Variants in SSBP4 observed in about 807,000 individuals in gnomAD.
SSBP4 encodes single-stranded DNA-binding protein 4.
Under a neutral mutation model 64.6 loss-of-function variants are expected in SSBP4, and 33 were observed. The observed-to-expected ratio is 0.51, with a 90% confidence interval of 0.39 to 0.68. The LOEUF (loss-of-function observed/expected upper bound fraction) is 0.68, where lower values mean the gene tolerates loss of function less well. SSBP4 is among the 30% of genes least tolerant of loss of function. The pLI, the probability that SSBP4 is intolerant of heterozygous loss-of-function variation, is 0.00. For synonymous variants in SSBP4, 243 were observed against 224.0 expected (o/e 1.08, Z -0.76); for missense variants, 583 against 566.8 (o/e 1.03, Z -0.29).
At chr19:18,429,077 G>A (rs1240826194) in intron 4 of SSBP4, among the ~76,000 whole-genome samples, 13 of 152,144 alleles carry the variant, frequency 8.5e-5, no homozygotes, top group Admixed American at 7.8e-4. Context: ...GTAGACCGCA[G>A]GGCCCAGGGC....
the SSBP4 span, among the ~76,000 whole-genome samples, chr19:18,408,193 G>A: frequency 6.6e-6 from 1 of 152,208 alleles, no homozygotes; most frequent in Non-Finnish European, 1.5e-5. Flanking sequence ...GCTGACCACG[G>A]GAGGCCACGT....
chr19:18,427,302 G>T lies in SSBP4; in HGVS notation c.60-49G>T. On this transcript the variant is annotated intron_variant, in intron 1 of 17. Coordinates refer to ENST00000270061, the MANE Select transcript of SSBP4 (RefSeq NM_032627.5). This position sits in a 1 kb window ranked among gnomAD's most constrained non-coding sequence, Gnocchi z 4.4. ...GAGAGATGGAGGGGCTTTGGGGTGG[G>T]CCCTTGCCTTGGAGAGTCTGAGCTC... 1 of 1,592,162 alleles carries T rather than the reference G, an allele frequency of 6.3e-7. No homozygotes were observed. Among genetic ancestry groups the T allele is most frequent in the Non-Finnish European group, 8.5e-7 (1 of 1,170,990 alleles).
chr19:18,422,458 G>A (rs1336709524), intron 1 of SSBP4, among the ~76,000 whole-genome samples: 3 of 152,308 alleles, frequency 2.0e-5, no homozygotes, highest in East Asian at 1.9e-4. Flanking sequence ...AGAGGGTCTC[G>A]TATAAGTGTT....
intron 8 of SSBP4, 56 bp downstream of exon 8, chr19:18,431,918 G>T: frequency 6.4e-7 from 1 of 1,567,718 alleles, no homozygotes; most frequent in East Asian, 2.3e-5. Flanking sequence ...CCAGCTCTCA[G>T]AGCCCAGACC....
At chr19:18,425,515 G>C (rs1158386847) in intron 1 of SSBP4, among the ~76,000 whole-genome samples, 1 of 152,176 alleles carries the variant, frequency 6.6e-6, no homozygotes, top group Non-Finnish European at 1.5e-5. Flanking sequence ...ACGCAGGCCT[G>C]TCAGCCACTA....
intron 6 of SSBP4, 57 bp downstream of exon 6, chr19:18,431,475 C>G: frequency 9.1e-7 from 1 of 1,093,670 alleles, no homozygotes; most frequent in Non-Finnish European, 1.3e-6. Flanking sequence ...CCAGCGCCGC[C>G]CCCTCCCACC....
intron 1 of SSBP4, among the ~76,000 whole-genome samples, chr19:18,424,583 G>C (rs974512546): frequency 6.6e-6 from 1 of 151,462 alleles, no homozygotes; most frequent in South Asian, 2.1e-4. Flanking sequence ...GGCGGCACAG[G>C]AGGGTTTGAA....
At chr19:18,433,320 C>T (rs1021954506) in intron 15 of SSBP4, 107 bp downstream of exon 15, 1 of 1,410,860 alleles carries the variant, frequency 7.1e-7, no homozygotes, top group Non-Finnish European at 9.5e-7. Context: ...CGTCTAGTGG[C>T]GTCCTGAGCC....
chr19:18,413,341 T>C, the SSBP4 span, among the ~76,000 whole-genome samples: 2 of 152,096 alleles, frequency 1.3e-5, no homozygotes, highest in East Asian at 3.9e-4. Flanking sequence ...CCTGAATAGC[T>C]GGGATTACAT....
intron 15 of SSBP4, 137 bp from the exon 16 acceptor site, chr19:18,433,448 T>G: frequency 6.9e-7 from 1 of 1,448,400 alleles, no homozygotes; most frequent in Non-Finnish European, 9.4e-7. Flanking sequence ...CTGGCCTCAG[T>G]CCCGGGGTTC....
rs906455378 is a variant in SSBP4, at chr19:18,426,556, G to A, written c.60-795G>A. On this transcript the variant is annotated intron_variant, in intron 1 of 17. Transcript: ENST00000270061. This position sits in a 1 kb window ranked among gnomAD's most constrained non-coding sequence, Gnocchi z 4.5. ...TGTGGCAGCTGGACTGGAGCGGGGT[G>A]GACAGTCCGGCCTCCCCCTGTGACC... Among the ~76,000 whole-genome samples the A allele has an allele frequency of 6.6e-6, 1 of 152,188 alleles. No homozygotes were observed. The highest frequency in any genetic ancestry group is 2.4e-5 in the African/African-American group (1 of 41,444).
chr19:18,421,899 T>C (rs745911012), intron 1 of SSBP4, among the ~76,000 whole-genome samples: 10 of 152,198 alleles, frequency 6.6e-5, no homozygotes, highest in Non-Finnish European at 1.5e-4. Flanking sequence ...GGCTCACGCC[T>C]ATAATCATCC....
chr19:18,417,251 A>C (rs1204789323), upstream of SSBP4, among the ~76,000 whole-genome samples: 1 of 152,182 alleles, frequency 6.6e-6, no homozygotes, highest in Non-Finnish European at 1.5e-5. This position sits in a 1 kb window ranked among gnomAD's most constrained non-coding sequence, Gnocchi z 5.4. Flanking sequence ...AAGAGGTAGC[A>C]ACGTGTCCCG....
In SSBP4 at chr19:18,427,837, G is replaced by A; in HGVS notation, c.194+24G>A. On this transcript the variant is annotated intron_variant, in intron 3 of 17. Coordinates refer to ENST00000270061, the MANE Select transcript of SSBP4 (RefSeq NM_032627.5). The surrounding 1 kb of genome is among the most constrained non-coding windows in gnomAD (Gnocchi z 4.4). ...TGGTACGGGCTGGGCTGCTGTGGGT[G>A]GGCTGTGGAAGGGGGTTGAGGGAGG... 1 of 1,613,154 alleles carries A rather than the reference G, an allele frequency of 6.2e-7. No homozygotes were observed.
At position 18,431,771 on chromosome 19, in the gene SSBP4, TGCCGCC is replaced by T. The variant is rs756855956; in HGVS notation, c.496-19_496-14del. ...CGGGGAGGGAGCACCCCACACTCAG[TGCCGCC>T]GCACCCCCTCCGCAGCCTCCCGCAG... is the stretch of plus-strand genomic sequence containing the variant. On this transcript the variant is annotated splice_polypyrimidine_tract_variant and intron_variant, in intron 7 of 17. Transcript: ENST00000270061. The T allele has an allele frequency of 1.5e-5, 22 of 1,514,628 alleles. No individual in the cohort carries two copies. Among genetic ancestry groups the T allele is most frequent in the Non-Finnish European group, 1.6e-5 (18 of 1,115,442 alleles). 93.8% of individuals were successfully genotyped at this position (1,514,628 alleles called of 1,614,324 possible).
intron 4 of SSBP4, among the ~76,000 whole-genome samples, chr19:18,429,909 G>A (rs1044623037): frequency 6.6e-6 from 1 of 152,234 alleles, no homozygotes; most frequent in Admixed American, 6.5e-5. Flanking sequence ...GGGGAGGGAG[G>A]ATTTCTCCAG....
intron 5 of SSBP4, 44 bp downstream of exon 5, chr19:18,430,974 A>T: frequency 6.3e-7 from 1 of 1,598,162 alleles, no homozygotes; most frequent in Non-Finnish European, 8.5e-7. Context: ...CTCTGGCTGA[A>T]CATGCGTTTG....
intron 1 of SSBP4, among the ~76,000 whole-genome samples, chr19:18,424,602 A>C (rs1972712270): frequency 1.7e-5 from 2 of 118,178 alleles, no homozygotes; most frequent in Non-Finnish European, 3.5e-5. Context: ...AACAAGGAAC[A>C]TGGGGGTGGG....
chr19:18,416,340 C>G (rs1434541738), upstream of SSBP4, among the ~76,000 whole-genome samples: 3 of 152,054 alleles, frequency 2.0e-5, no homozygotes, highest in Non-Finnish European at 2.9e-5. Flanking sequence ...TAGTAAGAGT[C>G]TTGGTCTGTC....
Sources: allele counts gnomAD v4.1 joint callset (sites outside exome capture counted in the v4.1 genomes callset), GRCh38; gene constraint gnomAD v4.1.1; non-coding constraint Gnocchi (gnomAD v3.1); transcripts MANE v1.5; gene names NCBI Gene and HGNC (gene_info 2026-07-23, HGNC 2026-07-21).